RBFOX1: variants seen among roughly 807,000 people sequenced by gnomAD.
The protein encoded by RBFOX1 is RNA binding protein fox-1 homolog 1.
In RBFOX1, 8 loss-of-function variants were observed where a neutral mutation model predicts 57.7. The ratio of observed to expected loss-of-function variants is 0.14; its 90% confidence interval spans 0.08 to 0.25. The LOEUF (loss-of-function observed/expected upper bound fraction) is 0.25. Ranked by LOEUF, RBFOX1 falls within the 10% of genes least tolerant of loss-of-function variation. The pLI is 1.00. For synonymous variants in RBFOX1, 326 were observed against 222.4 expected (o/e 1.47, Z -4.15); for missense variants, 611 against 548.5 (o/e 1.11, Z -1.14).
chr16:7,688,809 AAT>A (rs1387002913), intron 14 of RBFOX1, among the ~76,000 whole-genome samples: 2 of 152,138 alleles, frequency 1.3e-5, no homozygotes, highest in East Asian at 3.8e-4. Context: ...TTGTTGTTAG[AAT>A]ATGTTTTTAA....
At chr16:5,993,885 C>G (rs1032112447) in intron 4 of RBFOX1, among the ~76,000 whole-genome samples, 3 of 152,044 alleles carry the variant, frequency 2.0e-5, no homozygotes, top group Admixed American at 6.6e-5. Context: ...TATATTAATT[C>G]TTATTTAGTG....
chr16:7,168,579 A>C (rs1478630422), intron 4 of RBFOX1, among the ~76,000 whole-genome samples: 5 of 152,100 alleles, frequency 3.3e-5, no homozygotes, highest in African/African-American at 9.7e-5. Flanking sequence ...AGAAGTTAGA[A>C]GGGTTTTTCT....
rs139814473 is a variant in RBFOX1, at chr16:5,987,054, A to T, written c.351+119719A>T. Among the ~76,000 whole-genome samples the T allele has an allele frequency of 4.3e-4, 66 of 151,964 alleles. 1 individual carries two copies. Among genetic ancestry groups the T allele is most frequent in the African/African-American group, 1.5e-3 (61 of 41,474 alleles). On this transcript the variant is annotated intron_variant, in intron 4 of 19. Coordinates refer to the RBFOX1 transcript ENST00000641259. Reference sequence around the variant, plus strand: ...GCTTTTGGGATTGTCATTATTTTTAATTTTTTTGCTATTCTTACAGGTTGT... The same window carrying T: ...GCTTTTGGGATTGTCATTATTTTTATTTTTTTTGCTATTCTTACAGGTTGT...
intron 1 of RBFOX1, among the ~76,000 whole-genome samples, chr16:5,464,269 A>G (rs537000121): frequency 3.9e-5 from 6 of 152,354 alleles, no homozygotes; most frequent in African/African-American, 1.4e-4. Context: ...AGAACTGCAC[A>G]GTCAGGGGTC....
At chr16:6,150,932 C>T (rs2096793158) in intron 1 of RBFOX1, among the ~76,000 whole-genome samples, 1 of 152,096 alleles carries the variant, frequency 6.6e-6, no homozygotes, top group Non-Finnish European at 1.5e-5. Flanking sequence ...CCTTGGGCGC[C>T]CTACATTTGT....
chr16:6,796,777 C>G (rs997987677), intron 3 of RBFOX1, among the ~76,000 whole-genome samples: 6 of 152,166 alleles, frequency 3.9e-5, no homozygotes, highest in African/African-American at 9.7e-5. Flanking sequence ...ATCTGCCTTC[C>G]AACTTCTTCT....
chr16:7,036,781 A>G (rs961054894), intron 3 of RBFOX1, among the ~76,000 whole-genome samples: 1 of 152,176 alleles, frequency 6.6e-6, no homozygotes, highest in Non-Finnish European at 1.5e-5. Context: ...GTAAAGTGAA[A>G]GCAAGTTTAT....
At chr16:5,306,847 G>T (rs751186550) in intron 1 of RBFOX1, among the ~76,000 whole-genome samples, 21 of 152,114 alleles carry the variant, frequency 1.4e-4, no homozygotes, top group Non-Finnish European at 3.1e-4. Flanking sequence ...ACAAGTTTCA[G>T]CCTCCTCCAT....
chr16:6,643,952 C>G (rs767363918), intron 2 of RBFOX1, among the ~76,000 whole-genome samples: 3 of 152,152 alleles, frequency 2.0e-5, no homozygotes, highest in Non-Finnish European at 4.4e-5. Context: ...ATGGGGAAAC[C>G]CCATCTGTAC....
At chr16:5,792,072 T>C (rs1360431741) in intron 3 of RBFOX1, among the ~76,000 whole-genome samples, 1 of 152,062 alleles carries the variant, frequency 6.6e-6, no homozygotes, top group Non-Finnish European at 1.5e-5. Context: ...AGCAAGCAAA[T>C]TGGATGGGAT....
chr16:6,569,257 G>C (rs1160278725), intron 2 of RBFOX1, among the ~76,000 whole-genome samples: 1 of 152,124 alleles, frequency 6.6e-6, no homozygotes, highest in East Asian at 1.9e-4. Context: ...CCCAAAGTTA[G>C]CCTCTCAAAA....
intron 3 of RBFOX1, among the ~76,000 whole-genome samples, chr16:5,810,223 C>G (rs958579497): frequency 6.6e-6 from 1 of 151,738 alleles, no homozygotes; most frequent in Admixed American, 6.6e-5. Context: ...ATACCTAATG[C>G]TAAATGCTGA....
chr16:6,802,207 C>T (rs897900562), intron 3 of RBFOX1, among the ~76,000 whole-genome samples: 3 of 152,112 alleles, frequency 2.0e-5, no homozygotes. Flanking sequence ...TAGATGGGCT[C>T]TGGCTGCCTC....
intron 1 of RBFOX1, among the ~76,000 whole-genome samples, chr16:6,160,822 A>G (rs1379649161): frequency 6.6e-6 from 1 of 152,136 alleles, no homozygotes; most frequent in East Asian, 1.9e-4. Context: ...TCCTCTCAAG[A>G]TCAGCTCTGT....
chr16:5,986,092 C>A (rs897041712), intron 4 of RBFOX1, among the ~76,000 whole-genome samples: 1 of 148,652 alleles, frequency 6.7e-6, no homozygotes, highest in Admixed American at 6.7e-5. Context: ...GACAGGGTCT[C>A]GCTCTTGTTA....
At chr16:6,772,911 G>A (rs1276064882) in intron 3 of RBFOX1, among the ~76,000 whole-genome samples, 1 of 146,050 alleles carries the variant, frequency 6.8e-6, no homozygotes, top group East Asian at 2.1e-4. Context: ...GTGTGTAAGT[G>A]TGGGCTTGGA....
intron 4 of RBFOX1, among the ~76,000 whole-genome samples, chr16:7,450,111 C>G (rs2098839933): frequency 6.6e-6 from 1 of 151,956 alleles, no homozygotes; most frequent in Admixed American, 6.6e-5. Flanking sequence ...AAAGGAGAGA[C>G]TTGGCCGAAT....
chr16:7,086,922 C>G (rs912737101), intron 4 of RBFOX1, among the ~76,000 whole-genome samples: 3 of 152,172 alleles, frequency 2.0e-5, no homozygotes, highest in Non-Finnish European at 4.4e-5. Context: ...GCCCATCCCC[C>G]GGCCCTCCTT....
At chr16:6,897,390 G>A (rs1344257656) in intron 3 of RBFOX1, among the ~76,000 whole-genome samples, 3 of 151,892 alleles carry the variant, frequency 2.0e-5, no homozygotes, top group African/African-American at 7.3e-5. Flanking sequence ...GTGACAGAGC[G>A]AGACTCCGTC....
Sources: gnomAD v4.1 joint callset for allele counts (sites outside exome capture counted in the v4.1 genomes callset) on GRCh38, gnomAD v4.1.1 for gene constraint, MANE v1.5 for transcripts, NCBI Gene and HGNC (gene_info 2026-07-23, HGNC 2026-07-21) for gene names.